The following TENM3 variants were observed in gnomAD, a reference collection of about 807,000 sequenced individuals.
TENM3 encodes the protein teneurin transmembrane protein 3, also known as teneurin-3.
A neutral mutation model predicts 255.1 loss-of-function variants in TENM3; 63 were observed. The ratio of observed to expected loss-of-function variants is 0.25; its 90% confidence interval spans 0.20 to 0.30. TENM3 has a LOEUF of 0.30. TENM3 is among the 10% of genes least tolerant of loss of function. The pLI is 1.00. For synonymous variants in TENM3, 1,306 were observed against 1,322.3 expected (o/e 0.99, Z 0.27); for missense variants, 2,929 against 3,461.1 (o/e 0.85, Z 3.86).
chr4:181,880,637 TCAA>T, the TENM3 span, among the ~76,000 whole-genome samples: 1 of 152,178 alleles, frequency 6.6e-6, no homozygotes, highest in African/African-American at 2.4e-5. Context: ...AGGAAAATTG[TCAA>T]CAACTACAAT....
chr4:182,365,034 T>G (rs1028578054), intron 3 of TENM3, among the ~76,000 whole-genome samples: 1 of 152,214 alleles, frequency 6.6e-6, no homozygotes, highest in African/African-American at 2.4e-5. Flanking sequence ...CCCAACAGTA[T>G]ACAAAAGTGC....
intron 2 of TENM3, among the ~76,000 whole-genome samples, chr4:182,341,521 A>G (rs995209317): frequency 3.9e-5 from 6 of 152,186 alleles, no homozygotes; most frequent in Non-Finnish European, 4.4e-5. Context: ...ATCCGAAGAC[A>G]TGGGTCCAAC....
At chr4:182,364,103 TA>T (rs1332320551) in intron 3 of TENM3, among the ~76,000 whole-genome samples, 35 of 152,008 alleles carry the variant, frequency 2.3e-4, no homozygotes, top group Admixed American at 6.6e-4. Flanking sequence ...CTGGAATTTT[TA>T]AAGCATCTAA....
chr4:181,860,732 G>A, the TENM3 span, among the ~76,000 whole-genome samples: 2 of 152,266 alleles, frequency 1.3e-5, no homozygotes, highest in East Asian at 1.9e-4. Context: ...GGGCTCCGGG[G>A]TCCCAGAACT....
the TENM3 span, among the ~76,000 whole-genome samples, chr4:181,850,642 T>C: frequency 6.6e-6 from 1 of 152,210 alleles, no homozygotes; most frequent in Non-Finnish European, 1.5e-5. Context: ...ACATATATTC[T>C]CCTTACGTGT....
the TENM3 span, among the ~76,000 whole-genome samples, chr4:181,820,755 A>G: frequency 1.5e-3 from 235 of 152,132 alleles, 2 homozygotes; most frequent in African/African-American, 5.5e-3. Context: ...GGGGGTTGGG[A>G]CCTTTACCCT....
intron 22 of TENM3, among the ~76,000 whole-genome samples, chr4:182,769,278 T>C (rs977771659): frequency 2.6e-5 from 4 of 152,176 alleles, no homozygotes; most frequent in African/African-American, 9.7e-5. Flanking sequence ...TTTATGGAAG[T>C]ACCTGAGAGT....
intron 22 of TENM3, among the ~76,000 whole-genome samples, chr4:182,770,375 C>T (rs1764094689): frequency 6.6e-6 from 1 of 152,128 alleles, no homozygotes; most frequent in African/African-American, 2.4e-5. Flanking sequence ...GTGAGGAGAT[C>T]CACCCAAGGC....
intron 12 of TENM3, among the ~76,000 whole-genome samples, chr4:182,689,681 C>T (rs978775444): frequency 2.0e-5 from 3 of 152,202 alleles, no homozygotes; most frequent in Non-Finnish European, 4.4e-5. Flanking sequence ...GCTCCTTTTC[C>T]CAGCAGCGAA....
the TENM3 span, among the ~76,000 whole-genome samples, chr4:181,910,626 GTGTA>G: frequency 1.9e-3 from 278 of 143,992 alleles, 2 homozygotes; most frequent in African/African-American, 3.8e-3. Flanking sequence ...ACGTGTGTGT[GTGTA>G]TGTGTGTGTG....
At chr4:182,211,724 A>G (rs1027906989) in intron 1 of TENM3, among the ~76,000 whole-genome samples, 1 of 152,198 alleles carries the variant, frequency 6.6e-6, no homozygotes, top group Non-Finnish European at 1.5e-5. Flanking sequence ...GGCAGAAGCA[A>G]TATATACTAT....
chr4:181,860,770 A>G, the TENM3 span, among the ~76,000 whole-genome samples: 3 of 152,188 alleles, frequency 2.0e-5, no homozygotes, highest in Non-Finnish European at 4.4e-5. Flanking sequence ...CATTGGCTCC[A>G]AGAAATACTT....
At chr4:182,745,847 C>T (rs1345540296) in intron 19 of TENM3, among the ~76,000 whole-genome samples, 2 of 151,428 alleles carry the variant, frequency 1.3e-5, no homozygotes, top group African/African-American at 4.9e-5. Flanking sequence ...GTTAGAGTTA[C>T]GTCTTTATTA....
chr4:182,516,332 C>T (rs933830155), intron 3 of TENM3, among the ~76,000 whole-genome samples: 2 of 152,114 alleles, frequency 1.3e-5, no homozygotes, highest in African/African-American at 4.8e-5. Context: ...AAAAAGTTAA[C>T]AAATGTATAA....
At chr4:182,741,421 G>A (rs959975670) in intron 18 of TENM3, among the ~76,000 whole-genome samples, 1 of 152,280 alleles carries the variant, frequency 6.6e-6, no homozygotes, top group African/African-American at 2.4e-5. Context: ...TTATTCGTGC[G>A]GGCGCCCTGA....
chr4:181,694,672 A>G, the TENM3 span, among the ~76,000 whole-genome samples: 1 of 152,192 alleles, frequency 6.6e-6, no homozygotes, highest in Non-Finnish European at 1.5e-5. Context: ...CACACATGTG[A>G]CCCAGCCAGA....
intron 1 of TENM3, among the ~76,000 whole-genome samples, chr4:182,278,307 C>T (rs893999396): frequency 3.3e-5 from 5 of 151,774 alleles, no homozygotes; most frequent in South Asian, 2.1e-4. Context: ...GTGGAGGTTG[C>T]GGTGAGCCGA....
chr4:181,575,098 C>A, the TENM3 span, among the ~76,000 whole-genome samples: 1 of 151,976 alleles, frequency 6.6e-6, no homozygotes, highest in Non-Finnish European at 1.5e-5. Context: ...CGCTACCAGT[C>A]CCCCATTCAT....
the TENM3 span, among the ~76,000 whole-genome samples, chr4:181,725,410 C>A: frequency 2.0e-5 from 2 of 102,196 alleles, no homozygotes; most frequent in Admixed American, 2.7e-4. Flanking sequence ...CATTCACATT[C>A]TTTTTCTTTC....
Sources: gnomAD v4.1 joint callset for allele counts (sites outside exome capture counted in the v4.1 genomes callset) on GRCh38, gnomAD v4.1.1 for gene constraint, MANE v1.5 for transcripts, NCBI Gene and HGNC (gene_info 2026-07-23, HGNC 2026-07-21) for gene names.